DHX9: variants seen among roughly 807,000 people sequenced by gnomAD.
The protein encoded by DHX9 is DExH-box helicase 9.
DHX9 carries 27 observed loss-of-function variants against 148.7 expected under a neutral mutation model. That is an observed-to-expected ratio of 0.18 (90% CI 0.13 to 0.25). The LOEUF (loss-of-function observed/expected upper bound fraction) is 0.25, where lower values mean the gene tolerates loss of function less well. DHX9 is among the 10% of genes least tolerant of loss of function. The pLI, the probability that DHX9 is intolerant of heterozygous loss-of-function variation, is 1.00. For synonymous variants in DHX9, 529 were observed against 516.6 expected (o/e 1.02, Z -0.33); for missense variants, 796 against 1,559.6 (o/e 0.51, Z 8.25).
chr1:182,842,162 C>T (rs1667944180), intron 1 of DHX9, among the ~76,000 whole-genome samples: 1 of 152,036 alleles, frequency 6.6e-6, no homozygotes, highest in Non-Finnish European at 1.5e-5. Flanking sequence ...TAGTACCCAC[C>T]ATATCTGTGT....
chr1:182,840,613 T>C (rs1381989664), intron 1 of DHX9, among the ~76,000 whole-genome samples: 1 of 152,136 alleles, frequency 6.6e-6, no homozygotes, highest in Non-Finnish European at 1.5e-5. Flanking sequence ...CTTGCTCTTA[T>C]AATTAGGAGC....
chr1:182,882,723 G>A (rs1470700848), intron 24 of DHX9, among the ~76,000 whole-genome samples: 2 of 151,994 alleles, frequency 1.3e-5, no homozygotes, highest in African/African-American at 4.8e-5. Context: ...AAATTAGCCG[G>A]GCGTGGTGGC....
Position 182,881,600 on chromosome 1 carries a change from C to G in DHX9, c.2867C>G (p.Ala956Gly). ...GCTACACTAAGAATGACTTGGGAAGCCAAAGTTCAGCTCAAAGAGATTTTG... is the reference window on the plus strand; with the variant it reads ...GCTACACTAAGAATGACTTGGGAAGGCAAAGTTCAGCTCAAAGAGATTTTG... The part of the protein sequence containing the change: ...NMATLRMTWE[A>G]KVQLKEILIN... The change falls in exon 24 of 28, where the codon GCC becomes GGC. Residue 956 changes from alanine to glycine, a missense_variant. Physicochemically the swap from Ala to Gly is moderately conservative, Grantham distance 60. Around this residue, in one of 14 missense-constraint regions of DHX9, gnomAD observed 122 missense variants for 289.3 expected, o/e 0.42. Coordinates refer to ENST00000367549, the MANE Select transcript of DHX9 (RefSeq NM_001357.5). 1 of 1,611,878 alleles carries G rather than the reference C, an allele frequency of 6.2e-7. No individual in the cohort carries two copies. The highest frequency in any genetic ancestry group is 8.5e-7 in the Non-Finnish European group (1 of 1,179,478).
chr1:182,862,472 G>A (rs1668379405), intron 12 of DHX9, among the ~76,000 whole-genome samples: 1 of 152,162 alleles, frequency 6.6e-6, no homozygotes, highest in African/African-American at 2.4e-5. Flanking sequence ...TGTAATTGTA[G>A]GATGTAAATC....
intron 22 of DHX9, 94 bp from the exon 23 acceptor site, chr1:182,881,170 A>G (rs1008195807): frequency 3.9e-6 from 5 of 1,294,770 alleles, no homozygotes; most frequent in Admixed American, 2.4e-5. Context: ...AATCATAGCC[A>G]TAAAGACTGC....
intron 6 of DHX9, among the ~76,000 whole-genome samples, chr1:182,856,323 A>G (rs114642981): frequency 0.018 from 2,692 of 152,304 alleles, 69 homozygotes; most frequent in African/African-American, 0.056. Context: ...TGGCTCATCA[A>G]CTTTGATTAT....
At chr1:182,839,807 GGC>G (rs1346883088) in intron 1 of DHX9, 1 of 152,448 alleles carries the variant, frequency 6.6e-6, no homozygotes, top group Non-Finnish European at 1.5e-5. Context: ...TTGCCGCCGG[GGC>G]GCCACTGGCC....
intron 3 of DHX9, 130 bp from the exon 4 acceptor site, chr1:182,852,103 C>T: frequency 1.7e-6 from 1 of 582,148 alleles, no homozygotes; most frequent in Non-Finnish European, 3.0e-6. Context: ...GAGACTTAAC[C>T]TCTAAACAAA....
At position 182,879,370 on chromosome 1, in the gene DHX9, C is replaced by G. The variant is rs771903727; in HGVS notation, c.2472C>G (p.Pro824=). The part of the protein sequence containing the change: ...GQFLAKAIEP[P]PLDAVIEAEH... Reference sequence around the variant, plus strand: ...TTCTGGCCAAAGCAATTGAACCTCCCCCTTTGGATGCTGTGATTGAAGCAG... The same window carrying G: ...TTCTGGCCAAAGCAATTGAACCTCCGCCTTTGGATGCTGTGATTGAAGCAG... Residue 824 remains proline (P), a synonymous_variant, in exon 21 of 28, where the codon CCC becomes CCG. Transcript: ENST00000367549. 2.6e-6 allele frequency: 4 copies of G among 1,526,250 alleles called. No individual in the cohort carries two copies. The South Asian group carries it at 3.8e-5, about 14-fold the overall frequency. 94.5% of individuals were successfully genotyped at this position (1,526,250 alleles called of 1,614,324 possible). A position where few individuals can be genotyped will look rare whatever the true frequency, so the allele number is the denominator to read the frequency against.
intron 12 of DHX9, among the ~76,000 whole-genome samples, chr1:182,861,091 T>G (rs146470181): frequency 6.6e-6 from 1 of 152,260 alleles, no homozygotes; most frequent in Non-Finnish European, 1.5e-5. Flanking sequence ...TCTGAAACTT[T>G]TTAACATTTC....
intron 12 of DHX9, among the ~76,000 whole-genome samples, chr1:182,863,601 A>G (rs1172403724): frequency 2.0e-5 from 3 of 152,314 alleles, no homozygotes; most frequent in African/African-American, 7.2e-5. Context: ...TAATTATTGA[A>G]GCACAGAAGA....
intron 1 of DHX9, 195 bp downstream of exon 1, chr1:182,839,651 T>C (rs556862394): frequency 1.3e-5 from 2 of 152,016 alleles, no homozygotes; most frequent in Non-Finnish European, 2.9e-5. Flanking sequence ...GCTTGCGCCG[T>C]CCGGGCAGCC....
chr1:182,874,862 C>T lies in DHX9; in HGVS notation c.1723C>T (p.Leu575=). 6 of 1,610,810 alleles carry T rather than the reference C, an allele frequency of 3.7e-6. No homozygotes were observed. The highest frequency in any genetic ancestry group is 5.1e-6 in the Non-Finnish European group (6 of 1,178,126). Residue 575 remains leucine (L), a synonymous_variant, in exon 16 of 28, where the codon CTG becomes TTG. Coordinates refer to ENST00000367549, the MANE Select transcript of DHX9 (RefSeq NM_001357.5). The stretch of plus-strand genomic sequence containing the variant: ...TGGATTGTCCCTGGCAGAATATTTT[C>T]TGGAAGACTGCATTCAGATGACCCA... The part of the protein sequence containing the change: ...GRTYPVQEYF[L]EDCIQMTHFV...
chr1:182,869,334 G>A (rs1297696682), intron 14 of DHX9, among the ~76,000 whole-genome samples: 3 of 152,118 alleles, frequency 2.0e-5, no homozygotes, highest in Non-Finnish European at 4.4e-5. Context: ...ATCTGGTTCA[G>A]CCCGGTCTTG....
intron 3 of DHX9, among the ~76,000 whole-genome samples, chr1:182,844,532 T>G (rs1349811672): frequency 6.6e-6 from 1 of 151,460 alleles, no homozygotes; most frequent in Admixed American, 6.6e-5. Flanking sequence ...AGAAATAAGG[T>G]TTTTTTTGTT....
chr1:182,876,231 T>C lies in DHX9; in HGVS notation c.1997T>C (p.Met666Thr). ...FLPGWNLIYT[M>T]QKHLEMNPHF... is the part of the protein sequence containing the mutation. ...CCTGGCTGGAATCTGATTTATACTATGCAGAAGCATTTGGAAATGAATCCA... is the reference window on the plus strand; with the variant it reads ...CCTGGCTGGAATCTGATTTATACTACGCAGAAGCATTTGGAAATGAATCCA... Residue 666 changes from methionine (M) to threonine (T), a missense_variant, in exon 17 of 28, where the codon ATG becomes ACG. Physicochemically the swap from Met to Thr is moderately conservative, Grantham distance 81. Around this residue, in one of 14 missense-constraint regions of DHX9, gnomAD observed 133 missense variants for 223.8 expected, o/e 0.59. Transcript: ENST00000367549. The C allele has an allele frequency of 6.2e-7, 1 of 1,613,868 alleles. No homozygotes were observed. The highest frequency in any genetic ancestry group is 8.5e-7 in the Non-Finnish European group (1 of 1,179,854).
At chr1:182,860,320 TAAA>T in intron 12 of DHX9, 136 bp downstream of exon 12, 1 of 750,890 alleles carries the variant, frequency 1.3e-6, no homozygotes, top group Non-Finnish European at 2.0e-6. Context: ...AAAGAAAACA[TAAA>T]AACAACGTAG....
intron 27 of DHX9, among the ~76,000 whole-genome samples, chr1:182,885,787 A>G (rs1285364428): frequency 6.6e-6 from 1 of 152,204 alleles, no homozygotes; most frequent in Admixed American, 6.5e-5. Context: ...TGCTCTTACT[A>G]TGCTATTCTG....
chr1:182,858,814 G>A lies in DHX9; in HGVS notation c.982G>A (p.Gly328Ser), dbSNP rs1253180948. 6.2e-7 allele frequency: 1 copy of A among 1,614,060 alleles called. No homozygotes were observed. The highest frequency in any genetic ancestry group is 8.5e-7 in the Non-Finnish European group (1 of 1,180,022). Residue 328 changes from glycine (G) to serine (S), a missense_variant, in exon 10 of 28, where the codon GGT (glycine) becomes AGT (serine). By Grantham distance (56) the Gly-to-Ser change is moderately conservative. This residue lies in a region of DHX9 where 63 missense variants were observed against 78.6 expected (regional missense o/e 0.80). Coordinates refer to ENST00000367549, the MANE Select transcript of DHX9 (RefSeq NM_001357.5). ...FEPSQRQNQV[G>S]VVPWSPPQSN... ...ACCATCTCAGCGACAAAACCAAGTGGGTGTGGTTCCTTGGTCACCTCCACA... is the reference window on the plus strand; with the variant it reads ...ACCATCTCAGCGACAAAACCAAGTGAGTGTGGTTCCTTGGTCACCTCCACA...
Sources: allele counts gnomAD v4.1 joint callset (sites outside exome capture counted in the v4.1 genomes callset), GRCh38; gene constraint gnomAD v4.1.1; regional missense constraint gnomAD v4.1.1; transcripts MANE v1.5; gene names NCBI Gene and HGNC (gene_info 2026-07-23, HGNC 2026-07-21).